Variants in ALCAM observed in about 807,000 individuals in gnomAD.
ALCAM encodes the protein CD166 antigen.
ALCAM carries 30 observed loss-of-function variants against 70.9 expected under a neutral mutation model. The observed-to-expected ratio is 0.42, with a 90% CI of 0.32 to 0.57. ALCAM has a LOEUF of 0.57. Ranked by LOEUF, ALCAM falls within the 20% of genes least tolerant of loss-of-function variation. The pLI is 0.11. For missense variants in ALCAM, 591 were observed against 695.1 expected (o/e 0.85, Z 1.68); for synonymous variants, 249 against 242.5 (o/e 1.03, Z -0.25).
intron 3 of ALCAM, chr3:105,525,414 C>T: frequency 2.1e-6 from 2 of 947,104 alleles, no homozygotes; most frequent in Non-Finnish European, 2.5e-6. Context: ...TATTACTTCA[C>T]AATATTTTAG....
chr3:105,400,834 G>A (rs1936070626), intron 1 of ALCAM, among the ~76,000 whole-genome samples: 4 of 152,174 alleles, frequency 2.6e-5, no homozygotes, highest in Admixed American at 2.6e-4. Flanking sequence ...CTAGTCATTT[G>A]CCGTTGAGAA....
At chr3:105,426,784 T>C (rs192263866) in intron 1 of ALCAM, among the ~76,000 whole-genome samples, 4 of 152,064 alleles carry the variant, frequency 2.6e-5, no homozygotes, top group African/African-American at 7.2e-5. Flanking sequence ...TAACAATATT[T>C]ATATTGTTCC....
At chr3:105,408,009 G>A (rs894228961) in intron 1 of ALCAM, among the ~76,000 whole-genome samples, 8 of 152,090 alleles carry the variant, frequency 5.3e-5, no homozygotes, top group South Asian at 2.1e-4. Context: ...AACTAAGGAC[G>A]TGAAAGACCT....
intron 1 of ALCAM, among the ~76,000 whole-genome samples, chr3:105,487,660 T>G (rs1938470119): frequency 6.6e-6 from 1 of 152,198 alleles, no homozygotes. Context: ...CAATTATGAC[T>G]TTGTCATGGC....
chr3:105,563,848 C>T (rs367880717), intron 14 of ALCAM, among the ~76,000 whole-genome samples: 12 of 149,170 alleles, frequency 8.0e-5, no homozygotes, highest in East Asian at 7.8e-4. Flanking sequence ...CCACCGCGCC[C>T]GGCTAATTTT....
At chr3:105,477,532 C>T (rs75395889) in intron 1 of ALCAM, among the ~76,000 whole-genome samples, 4,008 of 152,046 alleles carry the variant, frequency 0.026, 69 homozygotes, top group South Asian at 0.048. Context: ...TATTTTCTGT[C>T]TTTGTTTTTT....
At chr3:105,374,917 A>G (rs901235541) in intron 1 of ALCAM, among the ~76,000 whole-genome samples, 5 of 152,208 alleles carry the variant, frequency 3.3e-5, no homozygotes, top group African/African-American at 9.6e-5. Context: ...ATGTATACCA[A>G]TAAGCTGGTT....
At chr3:105,402,938 CT>C (rs58126212) in intron 1 of ALCAM, among the ~76,000 whole-genome samples, 97,646 of 117,164 alleles carry the variant, frequency 0.83, 40,358 homozygotes, top group South Asian at 0.93. Flanking sequence ...AGCTGATGCG[CT>C]TTTTTTTTTT....
intron 14 of ALCAM, among the ~76,000 whole-genome samples, chr3:105,570,622 G>A (rs1034719965): frequency 3.3e-5 from 5 of 152,140 alleles, no homozygotes; most frequent in Admixed American, 1.3e-4. Context: ...GAATGAAAGA[G>A]CAAGAATAGC....
At chr3:105,419,901 T>A (rs920834452) in intron 1 of ALCAM, among the ~76,000 whole-genome samples, 1 of 151,826 alleles carries the variant, frequency 6.6e-6, no homozygotes, top group African/African-American at 2.4e-5. Flanking sequence ...CATTTCCATC[T>A]GCCAACATGA....
intron 1 of ALCAM, among the ~76,000 whole-genome samples, chr3:105,479,959 T>C (rs1376937787): frequency 6.6e-6 from 1 of 152,170 alleles, no homozygotes; most frequent in African/African-American, 2.4e-5. Flanking sequence ...TAGGTTAGCC[T>C]TTATTTATAG....
At chr3:105,411,611 C>G (rs1936393275) in intron 1 of ALCAM, among the ~76,000 whole-genome samples, 1 of 152,052 alleles carries the variant, frequency 6.6e-6, no homozygotes, top group Non-Finnish European at 1.5e-5. Context: ...TAATTCCCAT[C>G]TTAGGGAATA....
chr3:105,528,437 C>T (rs1939761775), intron 3 of ALCAM, among the ~76,000 whole-genome samples: 1 of 152,090 alleles, frequency 6.6e-6, no homozygotes, highest in Non-Finnish European at 1.5e-5. Flanking sequence ...TCCTGTATAA[C>T]TGCAGATGAT....
At chr3:105,519,047 GT>G (rs546347735) in intron 1 of ALCAM, among the ~76,000 whole-genome samples, 8 of 151,894 alleles carry the variant, frequency 5.3e-5, no homozygotes, top group Non-Finnish European at 1.2e-4. Context: ...AATATCATTT[GT>G]TTTTTTCTCT....
intron 1 of ALCAM, among the ~76,000 whole-genome samples, chr3:105,418,250 T>G (rs1353784365): frequency 2.0e-5 from 3 of 151,902 alleles, no homozygotes; most frequent in Non-Finnish European, 4.4e-5. Flanking sequence ...GAGGTAACTC[T>G]TTTGGTTTTA....
chr3:105,512,717 A>G (rs1051536384), intron 1 of ALCAM, among the ~76,000 whole-genome samples: 2 of 151,866 alleles, frequency 1.3e-5, no homozygotes, highest in Admixed American at 1.3e-4. Flanking sequence ...AAATTGAGAA[A>G]ATGAATCAGG....
At chr3:105,496,952 T>A (rs768832581) in intron 1 of ALCAM, among the ~76,000 whole-genome samples, 1 of 151,800 alleles carries the variant, frequency 6.6e-6, no homozygotes. Flanking sequence ...ATGGAAAGAA[T>A]TAAATGGACG....
intron 1 of ALCAM, among the ~76,000 whole-genome samples, chr3:105,455,911 GA>G: frequency 6.6e-6 from 1 of 152,218 alleles, no homozygotes; most frequent in Non-Finnish European, 1.5e-5. Context: ...CAAACATGGG[GA>G]AACCCATCTC....
At chr3:105,553,970 G>A (rs1489309270) in intron 14 of ALCAM, among the ~76,000 whole-genome samples, 2 of 151,792 alleles carry the variant, frequency 1.3e-5, no homozygotes, top group Non-Finnish European at 2.9e-5. Flanking sequence ...TGCACACGAT[G>A]TCCACTCTCA....
Sources: gnomAD v4.1 joint callset for allele counts (sites outside exome capture counted in the v4.1 genomes callset) on GRCh38, gnomAD v4.1.1 for gene constraint, MANE v1.5 for transcripts, NCBI Gene and HGNC (gene_info 2026-07-23, HGNC 2026-07-21) for gene names.